KANSL1: variants seen among roughly 807,000 people sequenced by gnomAD.
KANSL1 encodes KAT8 regulatory NSL complex subunit 1, also known as MLL1/MLL complex subunit KANSL1.
Under a neutral mutation model 103.6 loss-of-function variants are expected in KANSL1, and 22 were observed. The ratio of observed to expected loss-of-function variants is 0.21; its 90% confidence interval spans 0.15 to 0.30. The LOEUF is 0.30. KANSL1 is among the 10% of genes least tolerant of loss of function. The pLI is 1.00. For missense variants in KANSL1, 1,337 were observed against 1,399.8 expected (o/e 0.96, Z 0.72); for synonymous variants, 600 against 527.6 (o/e 1.14, Z -1.88).
At chr17:46,210,716 C>G (rs1368559615) in intron 1 of KANSL1, among the ~76,000 whole-genome samples, 5 of 152,110 alleles carry the variant, frequency 3.3e-5, no homozygotes, top group Admixed American at 6.5e-5. Flanking sequence ...GATGAGATTC[C>G]TAATAATGAA....
At chr17:46,225,133 G>A (rs2048646310), upstream of KANSL1, among the ~76,000 whole-genome samples, 2 of 151,880 alleles carry the variant, frequency 1.3e-5, no homozygotes, top group Non-Finnish European at 2.9e-5. Flanking sequence ...CCACACACGC[G>A]TCCCCTCTCC....
chr17:46,152,088 T>C (rs2045138916), intron 2 of KANSL1, among the ~76,000 whole-genome samples: 1 of 152,240 alleles, frequency 6.6e-6, no homozygotes, highest in Admixed American at 6.5e-5. Flanking sequence ...ACACAACAAA[T>C]GTTAACTGGG....
chr17:46,093,056 GACT>G (rs2079475436), intron 3 of KANSL1: 1 of 152,154 alleles, frequency 6.6e-6, no homozygotes, highest in African/African-American at 2.4e-5. Context: ...CAGCACTTAT[GACT>G]ACTATTATAC....
At chr17:46,098,068 T>C (rs1235987082) in intron 2 of KANSL1, among the ~76,000 whole-genome samples, 1 of 149,846 alleles carries the variant, frequency 6.7e-6, no homozygotes, top group Non-Finnish European at 1.5e-5. Flanking sequence ...TACAGTTATC[T>C]GCTTCAATGT....
chr17:46,115,523 A>C (rs1441168438), intron 2 of KANSL1, among the ~76,000 whole-genome samples: 2 of 152,190 alleles, frequency 1.3e-5, no homozygotes, highest in African/African-American at 4.8e-5. Flanking sequence ...AATCCCAAGG[A>C]AAGTATACAT....
At chr17:46,077,693 G>GAT (rs2078833812) in intron 4 of KANSL1, among the ~76,000 whole-genome samples, 1 of 152,154 alleles carries the variant, frequency 6.6e-6, no homozygotes, top group Non-Finnish European at 1.5e-5. Context: ...GAGTAGCTGG[G>GAT]ATTACAGGTG....
intron 3 of KANSL1, among the ~76,000 whole-genome samples, chr17:46,091,010 G>T (rs1192991267): frequency 1.3e-5 from 2 of 152,184 alleles, no homozygotes; most frequent in South Asian, 4.1e-4. Context: ...CTCATTAAAA[G>T]AAGTGAACTG....
chr17:46,193,658 G>C, upstream of KANSL1: 1 of 312,638 alleles, frequency 3.2e-6, no homozygotes, highest in South Asian at 2.2e-5. Context: ...AGGCCGCGGC[G>C]CCCGGCCCCA....
chr17:46,054,070 T>C (rs2077826876), intron 6 of KANSL1, among the ~76,000 whole-genome samples: 1 of 152,008 alleles, frequency 6.6e-6, no homozygotes, highest in Non-Finnish European at 1.5e-5. Context: ...GCTATAGTGA[T>C]CATGTCCACT....
intron 2 of KANSL1, among the ~76,000 whole-genome samples, chr17:46,123,672 C>A (rs1206710831): frequency 2.0e-5 from 3 of 152,244 alleles, no homozygotes; most frequent in Non-Finnish European, 4.4e-5. Context: ...GACCCTAATC[C>A]TCTTCAATTC....
chr17:46,198,651 G>A (rs2047695925), upstream of KANSL1, among the ~76,000 whole-genome samples: 1 of 152,200 alleles, frequency 6.6e-6, no homozygotes, highest in Non-Finnish European at 1.5e-5. Flanking sequence ...AGAATCGCTT[G>A]AACCCACAAG....
At chr17:46,210,902 G>C (rs906671006) in intron 1 of KANSL1, among the ~76,000 whole-genome samples, 2 of 152,176 alleles carry the variant, frequency 1.3e-5, no homozygotes, top group Non-Finnish European at 2.9e-5. Flanking sequence ...AACCAGACTT[G>C]CTCTAAGCAG....
chr17:46,196,293 T>C (rs1028958591), upstream of KANSL1: 3 of 450,936 alleles, frequency 6.7e-6, no homozygotes, highest in South Asian at 3.1e-5. Context: ...ACTCTTGGAA[T>C]AGTCATGTTG....
intron 2 of KANSL1, among the ~76,000 whole-genome samples, chr17:46,122,177 A>C (rs1285696144): frequency 1.4e-4 from 22 of 152,210 alleles, no homozygotes; most frequent in Admixed American, 1.3e-3. Flanking sequence ...ATTCTCAACA[A>C]ATCAGTAACT....
chr17:46,051,721 CA>C (rs755061969), intron 6 of KANSL1, among the ~76,000 whole-genome samples: 90 of 152,290 alleles, frequency 5.9e-4, no homozygotes, highest in Non-Finnish European at 1.1e-3. Context: ...AGTAGTAGAA[CA>C]AAGACAAAAA....
chr17:46,163,894 T>C (rs1365373207), intron 2 of KANSL1, among the ~76,000 whole-genome samples: 2 of 152,378 alleles, frequency 1.3e-5, no homozygotes, highest in Non-Finnish European at 2.9e-5. Context: ...CCTTTCAACT[T>C]GTCTTCTCTG....
intron 2 of KANSL1, among the ~76,000 whole-genome samples, chr17:46,162,754 A>G (rs2045809658): frequency 6.6e-6 from 1 of 152,260 alleles, no homozygotes; most frequent in Non-Finnish European, 1.5e-5. Context: ...AAGCCATGTC[A>G]ATGGCTTCAC....
chr17:46,207,451 G>C, intron 1 of KANSL1, among the ~76,000 whole-genome samples: 1 of 151,522 alleles, frequency 6.6e-6, no homozygotes, highest in East Asian at 1.9e-4. Context: ...AGAGATTGCA[G>C]TGAGCCAAGA....
chr17:46,037,231 A>C (rs2077177620), intron 10 of KANSL1: 1 of 151,914 alleles, frequency 6.6e-6, no homozygotes, highest in Non-Finnish European at 1.5e-5. Context: ...ATTAGTTTAG[A>C]CTCTTTTTTA....
Sources: gnomAD v4.1 joint callset for allele counts (sites outside exome capture counted in the v4.1 genomes callset) on GRCh38, gnomAD v4.1.1 for gene constraint, MANE v1.5 for transcripts, NCBI Gene and HGNC (gene_info 2026-07-23, HGNC 2026-07-21) for gene names.